Variants in MACROD1 observed in about 807,000 individuals in gnomAD.
The protein encoded by MACROD1 is mono-ADP ribosylhydrolase 1.
A neutral mutation model predicts 41.4 loss-of-function variants in MACROD1; 31 were observed. That is an observed-to-expected ratio of 0.75 (90% CI 0.56 to 1.01). MACROD1 has a LOEUF of 1.01. MACROD1 is among the 50% of genes least tolerant of loss of function. The pLI is 0.00. For synonymous variants in MACROD1, 252 were observed against 203.4 expected (o/e 1.24, Z -2.03); for missense variants, 473 against 460.0 (o/e 1.03, Z -0.26).
intron 3 of MACROD1, among the ~76,000 whole-genome samples, chr11:64,054,955 A>T (rs929944824): frequency 6.6e-6 from 1 of 151,960 alleles, no homozygotes; most frequent in African/African-American, 2.4e-5. Context: ...ATTTCTCAGG[A>T]TGGCTCAGGA....
At position 64,015,411 on chromosome 11, in the gene MACROD1, T is replaced by G. The variant is rs1943067592; in HGVS notation, c.518-130A>C. 6.7e-6 allele frequency: 5 copies of G among 740,882 alleles called. No homozygotes were observed. The Admixed American group carries it at 1.1e-4, about 16-fold the overall frequency. The allele number at this position is 740,882 out of a possible 1,614,324, so 45.9% of individuals were successfully genotyped here. A position where few individuals can be genotyped will look rare whatever the true frequency, so the allele number is the denominator to read the frequency against. ...GGTCTTCAGACTTGGGCACAGGGTC[T>G]TCCCAGTCCTCCGGGGCGGTAGTAG... is the stretch of plus-strand genomic sequence containing the variant. On this transcript the variant is annotated intron_variant, in intron 3 of 10. Transcript: ENST00000255681.
intron 3 of MACROD1, among the ~76,000 whole-genome samples, chr11:64,131,354 G>T (rs7122408): frequency 0.11 from 16,108 of 146,812 alleles, 1,100 homozygotes; most frequent in Non-Finnish European, 0.16. Context: ...TCTTTTTTTT[G>T]ATGGAGTCTC....
chr11:64,059,832 C>A (rs1943863116), intron 3 of MACROD1, among the ~76,000 whole-genome samples: 1 of 152,216 alleles, frequency 6.6e-6, no homozygotes, highest in Non-Finnish European at 1.5e-5. Context: ...CCCGAGAGGC[C>A]CGCCCCTAGG....
At chr11:64,021,519 C>T (rs1461054582) in intron 3 of MACROD1, among the ~76,000 whole-genome samples, 1 of 152,192 alleles carries the variant, frequency 6.6e-6, no homozygotes, top group Non-Finnish European at 1.5e-5. Flanking sequence ...AGAGGCTGGG[C>T]GAGCAGGCAC....
chr11:64,142,516 G>C (rs1388249328), intron 3 of MACROD1, among the ~76,000 whole-genome samples: 1 of 152,202 alleles, frequency 6.6e-6, no homozygotes, highest in African/African-American at 2.4e-5. Flanking sequence ...AAGGACCCTG[G>C]AAGGTCCTTT....
At chr11:64,118,145 G>T (rs143811913) in intron 3 of MACROD1, 6 of 1,613,832 alleles carry the variant, frequency 3.7e-6, no homozygotes, top group Non-Finnish European at 5.1e-6. Flanking sequence ...CCATCAACCC[G>T]TACCGCGCCA....
At chr11:64,153,951 G>A (rs943318337) in intron 1 of MACROD1, among the ~76,000 whole-genome samples, 16 of 151,750 alleles carry the variant, frequency 1.1e-4, no homozygotes, top group Admixed American at 1.1e-3. Flanking sequence ...CGCCCCTGCA[G>A]CTGCCCCCTC....
intron 3 of MACROD1, among the ~76,000 whole-genome samples, chr11:64,034,656 G>A (rs1943341032): frequency 1.3e-5 from 2 of 152,094 alleles, no homozygotes; most frequent in Admixed American, 1.3e-4. Context: ...GTCTCTGTAG[G>A]GGGGACCCTC....
intron 3 of MACROD1, among the ~76,000 whole-genome samples, chr11:64,141,436 C>T (rs1335809793): frequency 5.3e-5 from 8 of 152,214 alleles, no homozygotes; most frequent in African/African-American, 1.4e-4. Flanking sequence ...CAGCCAGACC[C>T]CTTCATATCC....
At chr11:64,006,089 G>T (rs1386575502) in intron 4 of MACROD1, among the ~76,000 whole-genome samples, 3 of 152,226 alleles carry the variant, frequency 2.0e-5, no homozygotes, top group Non-Finnish European at 4.4e-5. Flanking sequence ...CTGAGTCTCT[G>T]AGAGGGTACC....
rs1361126629 is a variant in MACROD1 at position 63,999,708 on chromosome 11, AG to A, written c.719del (p.Ala240ValfsTer9). Reference sequence around the variant, plus strand: ...TCAGGTAGCAGCTGCGGAGCTCGGCAGCCTGACTGGCGCTGGGCTCCCCGTA... The same window carrying A: ...TCAGGTAGCAGCTGCGGAGCTCGGCACCTGACTGGCGCTGGGCTCCCCGTA... The part of the protein sequence containing the change: ...IAYGEPSASQ[A>X]AELRSCYLSS... On this transcript the variant is annotated frameshift_variant, in exon 6 of 11. Coordinates refer to ENST00000255681, the MANE Select transcript of MACROD1 (RefSeq NM_014067.4). LOFTEE classifies it high-confidence loss of function. 5 of 1,609,016 alleles carry A rather than the reference AG, an allele frequency of 3.1e-6. No individual in the cohort carries two copies. Among genetic ancestry groups the A allele is most frequent in the Non-Finnish European group, 4.2e-6 (5 of 1,179,348 alleles).
At chr11:64,078,750 C>A (rs1787647665) in intron 3 of MACROD1, among the ~76,000 whole-genome samples, 1 of 150,952 alleles carries the variant, frequency 6.6e-6, no homozygotes, top group African/African-American at 2.4e-5. Flanking sequence ...GCTGGGGAGA[C>A]AGGCCACAAG....
At chr11:64,035,102 A>G (rs1943348409) in intron 3 of MACROD1, among the ~76,000 whole-genome samples, 1 of 152,134 alleles carries the variant, frequency 6.6e-6, no homozygotes, top group Non-Finnish European at 1.5e-5. Context: ...CTTTGGAGCT[A>G]GGTAGTAACG....
At position 64,118,305 on chromosome 11, in the gene MACROD1, C is replaced by T. The variant is rs1289801180; in HGVS notation, c.517+32934G>A. 1.0e-5 allele frequency: 16 copies of T among 1,537,238 alleles called. No homozygotes were observed. The East Asian group carries it at 1.8e-4, about 17-fold the overall frequency. ...CTCCTACACATGATGCCCGCCCACC[C>T]GGGCTGCCCCGCCTCAGCCCCAGCT... On this transcript the variant is annotated intron_variant, in intron 3 of 10. Coordinates refer to ENST00000255681, the MANE Select transcript of MACROD1 (RefSeq NM_014067.4).
At chr11:64,132,429 T>TG (rs1446570908) in intron 3 of MACROD1, among the ~76,000 whole-genome samples, 1 of 50,220 alleles carries the variant, frequency 2.0e-5, no homozygotes, top group Non-Finnish European at 3.8e-5. Context: ...GATTGGTCAC[T>TG]GGGGGTGGGG....
At chr11:64,116,314 C>G in intron 3 of MACROD1, 1 of 1,608,634 alleles carries the variant, frequency 6.2e-7, no homozygotes, top group East Asian at 2.2e-5. Context: ...ACGCCCACTG[C>G]CACTGTCACG....
In MACROD1 at chr11:64,021,932, CCGGGGG is replaced by C. The variant is rs1237785919; in HGVS notation, c.518-6657_518-6652del. Reference sequence around the variant, plus strand: ...GGAAATGCAAGGGAGTGGCAGGGGGCCGGGGGGGGGGGGGGGGGGTGTGAGGTGGCG... The same window carrying C: ...GGAAATGCAAGGGAGTGGCAGGGGGCGGGGGGGGGGGGGTGTGAGGTGGCG... On this transcript the variant is annotated intron_variant, in intron 3 of 10. Coordinates refer to ENST00000255681, the MANE Select transcript of MACROD1 (RefSeq NM_014067.4). Among the ~76,000 whole-genome samples the C allele has an allele frequency of 2.2e-3, 11 of 5,070 alleles. 1 individual carries two copies. The highest frequency in any genetic ancestry group is 2.8e-3 in the African/African-American group (5 of 1,766). 3.3% of individuals were successfully genotyped at this position (5,070 alleles called of 152,430 possible).
At chr11:64,028,053 A>T (rs1943244237) in intron 3 of MACROD1, among the ~76,000 whole-genome samples, 1 of 152,176 alleles carries the variant, frequency 6.6e-6, no homozygotes, top group Non-Finnish European at 1.5e-5. Flanking sequence ...CTCTGCAGCC[A>T]GTGGCTGCTC....
At chr11:64,141,188 G>A (rs12362602) in intron 3 of MACROD1, among the ~76,000 whole-genome samples, 72,697 of 152,014 alleles carry the variant, frequency 0.48, 18,732 homozygotes, top group East Asian at 0.6. Context: ...TCGTGGTGGG[G>A]GAGGTGAGGA....
Sources: gnomAD v4.1 joint callset for allele counts (sites outside exome capture counted in the v4.1 genomes callset) on GRCh38, gnomAD v4.1.1 for gene constraint, MANE v1.5 for transcripts, NCBI Gene and HGNC (gene_info 2026-07-23, HGNC 2026-07-21) for gene names.